Variants in ZC3H12C observed in about 807,000 individuals in gnomAD.
The protein encoded by ZC3H12C is zinc finger CCCH-type containing 12C, also known as probable ribonuclease ZC3H12C.
A neutral mutation model predicts 76.3 loss-of-function variants in ZC3H12C; 20 were observed. The observed-to-expected ratio is 0.26, with a 90% CI of 0.18 to 0.38. The LOEUF (loss-of-function observed/expected upper bound fraction) is 0.38, where lower values mean the gene tolerates loss of function less well. ZC3H12C is among the 10% of genes least tolerant of loss of function. The pLI is 1.00. For synonymous variants in ZC3H12C, 352 were observed against 399.6 expected, an observed-to-expected ratio of 0.88 and a Z score of 1.42; for missense variants, 874 against 1,086.5, an observed-to-expected ratio of 0.80 and a Z score of 2.75.
chr11:110,127,165 A>G (rs1437087255), intron 1 of ZC3H12C, among the ~76,000 whole-genome samples: 2 of 152,218 alleles, frequency 1.3e-5, no homozygotes, highest in Non-Finnish European at 2.9e-5. Flanking sequence ...CATGTCTCAG[A>G]TGTTTATCAG....
intron 2 of ZC3H12C, among the ~76,000 whole-genome samples, chr11:110,149,747 A>T (rs1323521295): frequency 6.6e-6 from 1 of 152,168 alleles, no homozygotes; most frequent in Non-Finnish European, 1.5e-5. Flanking sequence ...ACCTCTTTTA[A>T]TATACGAGAG....
chr11:110,135,285 T>A (rs1246250040), intron 1 of ZC3H12C, among the ~76,000 whole-genome samples: 1 of 151,530 alleles, frequency 6.6e-6, no homozygotes, highest in Non-Finnish European at 1.5e-5. Context: ...AGGTCAGGAG[T>A]TTGAGACCAG....
rs1309776836 is a variant in ZC3H12C at position 110,165,760 on chromosome 11, T to G, written c.*23T>G. On this transcript the variant is annotated 3_prime_UTR_variant, in exon 6 of 6. Transcript: ENST00000278590. ...TGAAAGATGATGCATCTTTGTGGTG[T>G]TTAGTAGTTTTTTGTTCAGCTCAAA... 2.6e-6 allele frequency: 4 copies of G among 1,543,222 alleles called. No individual in the cohort carries two copies. Among genetic ancestry groups the G allele is most frequent in the East Asian group, 2.4e-5 (1 of 41,776 alleles).
intron 1 of ZC3H12C, among the ~76,000 whole-genome samples, chr11:110,119,632 A>G (rs1237267153): frequency 6.6e-6 from 1 of 152,090 alleles, no homozygotes; most frequent in Non-Finnish European, 1.5e-5. Flanking sequence ...CTATCACCAA[A>G]TACCTTACAC....
intron 1 of ZC3H12C, among the ~76,000 whole-genome samples, chr11:110,107,470 C>T (rs573429458): frequency 6.6e-6 from 1 of 152,030 alleles, no homozygotes; most frequent in Non-Finnish European, 1.5e-5. Context: ...GAAGCTCTGT[C>T]TCCCAAATAG....
At chr11:110,115,426 C>T (rs1861508390) in intron 1 of ZC3H12C, among the ~76,000 whole-genome samples, 1 of 152,062 alleles carries the variant, frequency 6.6e-6, no homozygotes, top group Non-Finnish European at 1.5e-5. Flanking sequence ...TCTCAGCCTC[C>T]TGAGTAGCTG....
chr11:110,161,518 T>C (rs1422377116), intron 4 of ZC3H12C, among the ~76,000 whole-genome samples: 1 of 152,198 alleles, frequency 6.6e-6, no homozygotes, highest in African/African-American at 2.4e-5. Flanking sequence ...TAATTAAAAA[T>C]GCAAATGAAT....
rs191841499 is a variant in ZC3H12C, at chr11:110,114,141, T to G, written c.21+20709T>G. Among the ~76,000 whole-genome samples, 21 of 152,346 alleles carry G rather than the reference T, an allele frequency of 1.4e-4. No homozygotes were observed. In the East Asian group the frequency reaches 4.0e-3, roughly 29 times the overall value. On this transcript the variant is annotated intron_variant, in intron 1 of 5. Coordinates refer to ENST00000278590, the MANE Select transcript of ZC3H12C (RefSeq NM_033390.2). The stretch of plus-strand genomic sequence containing the variant: ...TCCGGGAGTATTCATCACACAGTTT[T>G]CTGTATGTTGTATCATCTCTCACGC...
At chr11:110,107,325 A>T (rs1413054461) in intron 1 of ZC3H12C, among the ~76,000 whole-genome samples, 1 of 152,198 alleles carries the variant, frequency 6.6e-6, no homozygotes, top group East Asian at 1.9e-4. Context: ...TCTATAAAAT[A>T]TGAGTAAAGG....
rs573743022 is a variant in ZC3H12C, at chr11:110,133,115, G to T, written c.22-3548G>T. ...TTTATCATGTAGCTTTTCATTGAAT[G>T]ATTTCAAGATATTGCCAAATTCTGG... On this transcript the variant is annotated intron_variant, in intron 1 of 5. Transcript: ENST00000278590. Among the ~76,000 whole-genome samples, 3 of 152,166 alleles carry T rather than the reference G, an allele frequency of 2.0e-5. No homozygotes were observed. In the South Asian group the frequency reaches 6.2e-4, roughly 32 times the overall value.
chr11:110,143,559 A>G (rs922674758), intron 2 of ZC3H12C, among the ~76,000 whole-genome samples: 1 of 151,988 alleles, frequency 6.6e-6, no homozygotes, highest in East Asian at 1.9e-4. Context: ...AAAATCTACT[A>G]TACTCTTTCT....
rs201003221 is a variant in ZC3H12C, at chr11:110,136,842, T to C, written c.201T>C (p.Ser67=). The C allele has an allele frequency of 4.8e-5, 78 of 1,613,696 alleles. No individual in the cohort carries two copies. Among genetic ancestry groups the C allele is most frequent in the Non-Finnish European group, 5.8e-5 (69 of 1,179,844 alleles). ...CTTGGTCAACAGTAGAAAACCCAAG[T>C]ATGGATACCGTTAATGTGGGGAAGG... The part of the protein sequence containing the change: ...AVPWSTVENP[S]MDTVNVGKDE... Residue 67 remains serine (S), a synonymous_variant, in exon 2 of 6, where the codon AGT becomes AGC. Transcript: ENST00000278590.
intron 1 of ZC3H12C, among the ~76,000 whole-genome samples, chr11:110,098,889 T>TA (rs2134141566): frequency 6.6e-6 from 1 of 152,368 alleles, no homozygotes; most frequent in Admixed American, 6.5e-5. Context: ...ATGACTGTAT[T>TA]AAAGTCTGTG....
chr11:110,111,490 C>T (rs904816635), intron 1 of ZC3H12C, among the ~76,000 whole-genome samples: 2 of 150,604 alleles, frequency 1.3e-5, no homozygotes, highest in African/African-American at 4.9e-5. Flanking sequence ...ACACCAGTTC[C>T]GAAGACTTGA....
At chr11:110,114,298 T>C (rs1016112023) in intron 1 of ZC3H12C, among the ~76,000 whole-genome samples, 3 of 152,194 alleles carry the variant, frequency 2.0e-5, no homozygotes, top group Admixed American at 6.5e-5. Flanking sequence ...GTCACTGTCA[T>C]TGTATACTCA....
chr11:110,142,756 A>G (rs994187752), intron 2 of ZC3H12C, among the ~76,000 whole-genome samples: 4 of 152,160 alleles, frequency 2.6e-5, no homozygotes, highest in African/African-American at 7.2e-5. Flanking sequence ...AAGCAGTACA[A>G]TCCTGCAGAT....
In ZC3H12C at chr11:110,165,823, CCTT is replaced by C. The variant is rs1165026541; in HGVS notation, c.*89_*91del. On this transcript the variant is annotated 3_prime_UTR_variant, in exon 6 of 6. Transcript: ENST00000278590. ...TTTGCTACAATAGCACATGTGATCTCCTTCTCAGCAAGGAGGTTATATAGTATC... is the reference window on the plus strand; with the variant it reads ...TTTGCTACAATAGCACATGTGATCTCCTCAGCAAGGAGGTTATATAGTATC... 1.6e-6 allele frequency: 2 copies of C among 1,275,544 alleles called. No individual in the cohort carries two copies. Among genetic ancestry groups the C allele is most frequent in the African/African-American group, 3.0e-5 (2 of 66,480 alleles). The allele number at this position is 1,275,544 out of a possible 1,614,324, so 79.0% of individuals were successfully genotyped here.
intron 2 of ZC3H12C, among the ~76,000 whole-genome samples, chr11:110,147,146 C>G (rs533820535): frequency 6.6e-6 from 1 of 152,282 alleles, no homozygotes; most frequent in South Asian, 2.1e-4. Flanking sequence ...CAAACACAGT[C>G]GGCCAGAGCA....
At chr11:110,159,153 C>T (rs887122952) in intron 3 of ZC3H12C, 103 bp from the exon 4 acceptor site, 45 of 834,964 alleles carry the variant, frequency 5.4e-5, no homozygotes, top group Non-Finnish European at 8.5e-5. Flanking sequence ...TAAAGGATTT[C>T]ATATATACAG....
Sources: gnomAD v4.1 joint callset for allele counts (sites outside exome capture counted in the v4.1 genomes callset) on GRCh38, gnomAD v4.1.1 for gene constraint, MANE v1.5 for transcripts, NCBI Gene and HGNC (gene_info 2026-07-23, HGNC 2026-07-21) for gene names.